The following ZNF331 variants were observed in gnomAD, a reference collection of about 807,000 sequenced individuals.
ZNF331 encodes the protein zinc finger protein 331.
A neutral mutation model predicts 7.0 loss-of-function variants in ZNF331; 2 were observed. The ratio of observed to expected loss-of-function variants is 0.29; its 90% CI spans 0.12 to 0.90. The LOEUF (loss-of-function observed/expected upper bound fraction) is 0.90, where lower values mean the gene tolerates loss of function less well. Ranked by LOEUF, ZNF331 falls within the 40% of genes least tolerant of loss-of-function variation. The pLI is 0.58. For synonymous variants in ZNF331, 196 were observed against 205.4 expected (o/e 0.95, Z 0.39); for missense variants, 432 against 587.7 (o/e 0.74, Z 2.74).
At chr19:53,510,356 G>A in the ZNF331 span, among the ~76,000 whole-genome samples, 1 of 152,162 alleles carries the variant, frequency 6.6e-6, no homozygotes, top group Non-Finnish European at 1.5e-5. Context: ...CGGGGTAGGA[G>A]TGGGAGCTGT....
rs891748329 is a variant in ZNF331 at position 53,571,802 on chromosome 19, G to A, written c.136+72G>A. ...GCTCTCCCCTGTGAATTTCAGGACC[G>A]CCTTTCAAGAAACTAGTTGAATTTC... On this transcript the variant is annotated intron_variant, in intron 5 of 5. Coordinates refer to ENST00000449416, the MANE Select transcript of ZNF331 (RefSeq NM_001079906.2). The surrounding 1 kb of genome is among the most constrained non-coding windows in gnomAD (Gnocchi z 4.7). 1.7e-5 allele frequency: 25 copies of A among 1,511,270 alleles called. No individual in the cohort carries two copies. The Middle Eastern group carries it at 5.4e-4, about 32-fold the overall frequency. The allele number at this position is 1,511,270 out of a possible 1,614,324, so 93.6% of individuals were successfully genotyped here.
upstream of ZNF331, among the ~76,000 whole-genome samples, chr19:53,514,891 T>C (rs569893505): frequency 6.6e-6 from 1 of 152,066 alleles, no homozygotes; most frequent in South Asian, 2.1e-4. Context: ...ACCTCCTGAT[T>C]CACCCGCTTC....
intron 3 of ZNF331, among the ~76,000 whole-genome samples, chr19:53,566,074 G>A (rs1283758037): frequency 1.3e-5 from 2 of 152,036 alleles, no homozygotes; most frequent in African/African-American, 4.8e-5. Flanking sequence ...AGACCTACTC[G>A]TGACCGATTT....
At chr19:53,544,324 T>C (rs1218963419) in intron 2 of ZNF331, among the ~76,000 whole-genome samples, 3 of 151,084 alleles carry the variant, frequency 2.0e-5, no homozygotes, top group African/African-American at 4.9e-5. Context: ...GGTGGGCGGA[T>C]CACGAGGTCA....
intron 2 of ZNF331, among the ~76,000 whole-genome samples, chr19:53,526,833 T>C (rs1396565038): frequency 3.3e-5 from 5 of 150,732 alleles, no homozygotes; most frequent in African/African-American, 1.2e-4. Flanking sequence ...ATTACAGGCG[T>C]GAGCCACCGC....
At chr19:53,522,825 T>A (rs918469799) in intron 2 of ZNF331, 1 of 152,230 alleles carries the variant, frequency 6.6e-6, no homozygotes, top group African/African-American at 2.4e-5. Context: ...GTGCAGGTCA[T>A]TCCTCCGTGT....
In ZNF331 at chr19:53,532,265, T is replaced by TGGG. The variant is rs549615075; in HGVS notation, c.-204-6949_-204-6948insGGG. Among the ~76,000 whole-genome samples the TGGG allele has an allele frequency of 6.2e-3, 949 of 152,298 alleles. 5 individuals carry two copies. Among genetic ancestry groups the TGGG allele is most frequent in the Middle Eastern group, 0.027 (8 of 294 alleles). On this transcript the variant is annotated intron_variant, in intron 2 of 6. Transcript: ENST00000253144. ...CTATTCCCACCCCTGTCCCAGCCTCTGGTAACCATCATTCCACTCTTTGCT... is the reference window on the plus strand; with the variant it reads ...CTATTCCCACCCCTGTCCCAGCCTCTGGGGGTAACCATCATTCCACTCTTTGCT...
intron 3 of ZNF331, among the ~76,000 whole-genome samples, chr19:53,561,172 A>T (rs1337731602): frequency 6.6e-6 from 1 of 152,114 alleles, no homozygotes; most frequent in South Asian, 2.1e-4. Flanking sequence ...ATGTGCACAC[A>T]TACACACATT....
chr19:53,518,695 A>G (rs1024899820), upstream of ZNF331, among the ~76,000 whole-genome samples: 1 of 152,254 alleles, frequency 6.6e-6, no homozygotes, highest in Non-Finnish European at 1.5e-5. Context: ...AAACAAAGTA[A>G]TGTTTAACAT....
intron 3 of ZNF331, among the ~76,000 whole-genome samples, chr19:53,559,411 CAT>C (rs1374813583): frequency 6.6e-6 from 1 of 150,438 alleles, no homozygotes; most frequent in Non-Finnish European, 1.5e-5. Flanking sequence ...TATATACACA[CAT>C]ACACATCGTA....
chr19:53,542,870 C>T lies in ZNF331; in HGVS notation c.-138+3588C>T, dbSNP rs939843651. On this transcript the variant is annotated intron_variant, in intron 2 of 5. Transcript: ENST00000449416. ...GGTTGCCTAGGCTGGAGTGCAATGG[C>T]GCAATCGCGGCTCACCGCAACCTCT... is the stretch of plus-strand genomic sequence containing the variant. Among the ~76,000 whole-genome samples the T allele has an allele frequency of 5.3e-5, 8 of 152,228 alleles. No individual in the cohort carries two copies. The South Asian group carries it at 8.3e-4, about 16-fold the overall frequency.
chr19:53,547,804 C>G (rs1248581854), intron 2 of ZNF331, among the ~76,000 whole-genome samples: 1 of 152,176 alleles, frequency 6.6e-6, no homozygotes, highest in African/African-American at 2.4e-5. Flanking sequence ...TTTCACAGAC[C>G]TATAGCAATT....
chr19:53,577,167 G>A lies in ZNF331; in HGVS notation c.607G>A (p.Val203Ile), dbSNP rs1184099575. The A allele has an allele frequency of 9.9e-6, 16 of 1,609,694 alleles. No homozygotes were observed. Among genetic ancestry groups the A allele is most frequent in the East Asian group, 2.2e-5 (1 of 44,656 alleles). ...GKAFRWGSSL[V>I]IHKRIHTGEK... is the part of the protein sequence containing the mutation. ...GGCTTTTCGATGGGGCTCAAGCCTC[G>A]TTATTCATAAGAGGATTCATACTGG... Residue 203 changes from valine (V) to isoleucine (I), a missense_variant, in exon 6 of 6, where the codon GTT (valine) becomes ATT (isoleucine). Val to Ile is a conservative substitution (Grantham distance 29). This residue lies in a region of ZNF331 where 312 missense variants were observed against 448.6 expected (regional missense o/e 0.70). Coordinates refer to ENST00000449416, the MANE Select transcript of ZNF331 (RefSeq NM_001079906.2).
At chr19:53,576,651 T>C in intron 5 of ZNF331, 46 bp from the exon 6 acceptor site, 1 of 1,529,200 alleles carries the variant, frequency 6.5e-7, no homozygotes, top group Non-Finnish European at 8.8e-7. Flanking sequence ...GGTTCGTTTG[T>C]ACTTGTGTCC....
Position 53,544,316 on chromosome 19 carries a change from T to A in ZNF331, c.-138+5034T>A, listed in dbSNP as rs866012112. On this transcript the variant is annotated intron_variant, in intron 2 of 5. Transcript: ENST00000449416. ...ATCCCAGCACTTTGGGAGGCCAAGG[T>A]GGGCGGATCACGAGGTCAGGAGATG... Among the ~76,000 whole-genome samples, 5 of 150,766 alleles carry A rather than the reference T, an allele frequency of 3.3e-5. No homozygotes were observed. In the South Asian group the frequency reaches 1.1e-3, roughly 32 times the overall value.
At chr19:53,527,443 T>C (rs2708758) in intron 2 of ZNF331, among the ~76,000 whole-genome samples, 52,399 of 151,972 alleles carry the variant, frequency 0.34, 9,759 homozygotes, top group African/African-American at 0.49. Flanking sequence ...AACCTTAAGA[T>C]AGGGAGATTA....
At chr19:53,515,442 T>TGGG (rs3070652), upstream of ZNF331, among the ~76,000 whole-genome samples, 2 of 151,904 alleles carry the variant, frequency 1.3e-5, no homozygotes, top group Non-Finnish European at 2.9e-5. Context: ...CATTTTAACA[T>TGGG]GGGCATTTCT....
the ZNF331 span, among the ~76,000 whole-genome samples, chr19:53,504,942 C>T: frequency 1.3e-5 from 2 of 152,178 alleles, no homozygotes; most frequent in Non-Finnish European, 2.9e-5. Flanking sequence ...CTCTCTAACC[C>T]TGGAATGGGG....
chr19:53,528,100 T>C (rs1468738095), intron 2 of ZNF331, among the ~76,000 whole-genome samples: 2 of 152,362 alleles, frequency 1.3e-5, no homozygotes, highest in East Asian at 3.9e-4. Context: ...CTCTTGCTAA[T>C]ATTCTTGATT....
Sources: allele counts gnomAD v4.1 joint callset (sites outside exome capture counted in the v4.1 genomes callset), GRCh38; gene constraint gnomAD v4.1.1; regional missense constraint gnomAD v4.1.1; non-coding constraint Gnocchi (gnomAD v3.1); transcripts MANE v1.5; gene names NCBI Gene and HGNC (gene_info 2026-07-23, HGNC 2026-07-21).